The following SH3BGRL variants were observed in gnomAD, a reference collection of about 807,000 sequenced individuals.
SH3BGRL encodes the protein adapter SH3BGRL.
A neutral mutation model predicts 9.8 loss-of-function variants in SH3BGRL; 7 were observed. The ratio of observed to expected loss-of-function variants is 0.72; its 90% CI spans 0.41 to 1.35. SH3BGRL has a LOEUF of 1.35. Among genes scored for constraint, SH3BGRL ranks in the 40% most tolerant of loss-of-function variants. SH3BGRL has a pLI of 0.01. For missense variants in SH3BGRL, 73 were observed against 84.4 expected (o/e 0.86, Z 0.53); for synonymous variants, 36 against 29.1 (o/e 1.24, Z -0.76).
chrX:81,271,970 G>A (rs1040305625), intron 1 of SH3BGRL, among the ~76,000 whole-genome samples: 3 of 110,549 alleles, frequency 2.7e-5, no homozygotes, highest in Non-Finnish European at 3.8e-5. Context: ...TGAAGTGGGC[G>A]GATCATGAGG....
chrX:81,296,145 G>A (rs187761103), intron 3 of SH3BGRL, among the ~76,000 whole-genome samples: 31 of 111,223 alleles, frequency 2.8e-4, no homozygotes, highest in Admixed American at 1.1e-3. Context: ...AAGGAAGCAC[G>A]TCCTCGCCTG....
At chrX:81,220,934 C>T (rs1476752169) in intron 1 of SH3BGRL, among the ~76,000 whole-genome samples, 3 of 110,807 alleles carry the variant, frequency 2.7e-5, no homozygotes, top group Non-Finnish European at 5.7e-5. Flanking sequence ...CAAAATTCTT[C>T]TTGTTATTGG....
At chrX:81,215,285 G>T (rs2075578176) in intron 1 of SH3BGRL, among the ~76,000 whole-genome samples, 1 of 110,881 alleles carries the variant, frequency 9.0e-6, no homozygotes, top group Admixed American at 9.6e-5. Flanking sequence ...ACTTGGCAGA[G>T]ATGTTCAAGT....
chrX:81,202,134 C>T lies in SH3BGRL; in HGVS notation c.-67C>T. 9.2e-7 allele frequency: 1 copy of T among 1,089,304 alleles called. No individual in the cohort carries two copies. Among genetic ancestry groups the T allele is most frequent in the East Asian group, 3.1e-5 (1 of 32,739 alleles). The allele number at this position is 1,089,304 out of a possible 1,213,427, so 89.8% of individuals were successfully genotyped here. ...GCTGTTTCAGCCCCTAGCTGGATTC[C>T]AGCCATTGCTGCAGCTGCTCCACAG... On this transcript the variant is annotated 5_prime_UTR_variant, in exon 1 of 4. Transcript: ENST00000373212.
chrX:81,209,759 G>A (rs2075557940), intron 1 of SH3BGRL, among the ~76,000 whole-genome samples: 1 of 112,081 alleles, frequency 8.9e-6, no homozygotes, highest in Non-Finnish European at 1.9e-5. Context: ...GATGAGAGTT[G>A]GCACTGGTGG....
chrX:81,247,276 T>C (rs2075692541), intron 1 of SH3BGRL, among the ~76,000 whole-genome samples: 1 of 112,078 alleles, frequency 8.9e-6, no homozygotes, highest in Non-Finnish European at 1.9e-5. Context: ...TTTGACTTCT[T>C]TTCCTATTTG....
intron 1 of SH3BGRL, among the ~76,000 whole-genome samples, chrX:81,258,579 C>T (rs1184633751): frequency 1.8e-5 from 2 of 112,336 alleles, no homozygotes; most frequent in Non-Finnish European, 3.8e-5. Flanking sequence ...AATATCTTAA[C>T]CTGTCCTAAA....
At chrX:81,283,973 C>A (rs1213254678) in intron 3 of SH3BGRL, among the ~76,000 whole-genome samples, 1 of 111,049 alleles carries the variant, frequency 9.0e-6, no homozygotes, top group East Asian at 2.8e-4. Flanking sequence ...AGCAAAATTT[C>A]CAGATCCAAG....
At position 81,277,165 on chromosome X, in the gene SH3BGRL, G is replaced by A; in HGVS notation, c.227G>A (p.Arg76His). ...CAGATTTTCAATGAAAGCCAGTATC[G>A]CGGGGTAAGAAAACAATTTAAATTC... The part of the protein sequence containing the change: ...PPQIFNESQY[R>H]GDYDAFFEAR... The change falls in exon 2 of 4, where the codon CGC becomes CAC. Residue 76 changes from arginine to histidine, a missense_variant. By Grantham distance (29) the Arg-to-His change is conservative (BLOSUM62 0). Coordinates refer to ENST00000373212, the MANE Select transcript of SH3BGRL (RefSeq NM_003022.3). The A allele has an allele frequency of 1.7e-6, 2 of 1,203,218 alleles. No individual in the cohort carries two copies. Among genetic ancestry groups the A allele is most frequent in the Non-Finnish European group, 2.2e-6 (2 of 890,840 alleles).
chrX:81,251,026 T>G (rs1030820791), intron 1 of SH3BGRL, among the ~76,000 whole-genome samples: 1 of 112,201 alleles, frequency 8.9e-6, no homozygotes, highest in African/African-American at 3.2e-5. Context: ...CTGCTGATTT[T>G]TAATGAAGAC....
chrX:81,232,892 C>T (rs1157706821), intron 1 of SH3BGRL, among the ~76,000 whole-genome samples: 1 of 111,253 alleles, frequency 9.0e-6, no homozygotes, highest in African/African-American at 3.3e-5. Context: ...ATATTTTATT[C>T]TTTATATGTT....
intron 1 of SH3BGRL, among the ~76,000 whole-genome samples, chrX:81,271,132 TCTC>T (rs1432198401): frequency 1.8e-5 from 2 of 111,460 alleles, no homozygotes; most frequent in Admixed American, 9.5e-5. Flanking sequence ...GGAGTGTACT[TCTC>T]CTCCAGGTAC....
chrX:81,290,003 A>G (rs2075851703), intron 3 of SH3BGRL, among the ~76,000 whole-genome samples: 1 of 112,547 alleles, frequency 8.9e-6, no homozygotes, highest in African/African-American at 3.2e-5. Flanking sequence ...CATTAGAGAA[A>G]TGCAAATAAA....
intron 1 of SH3BGRL, among the ~76,000 whole-genome samples, chrX:81,203,875 C>T (rs1569355257): frequency 1.8e-5 from 2 of 109,848 alleles, no homozygotes; most frequent in Non-Finnish European, 3.8e-5. Flanking sequence ...CTTTATTGGA[C>T]TCCTTTTTTT....
intron 1 of SH3BGRL, among the ~76,000 whole-genome samples, chrX:81,212,559 G>A (rs1166708040): frequency 8.9e-6 from 1 of 111,909 alleles, no homozygotes; most frequent in Non-Finnish European, 1.9e-5. Context: ...TTTTTTATTA[G>A]ATCTTTAAGT....
chrX:81,218,650 T>G (rs1482310671), intron 1 of SH3BGRL, among the ~76,000 whole-genome samples: 1 of 105,747 alleles, frequency 9.5e-6, no homozygotes, highest in African/African-American at 3.4e-5. Flanking sequence ...TCTATATCTA[T>G]ATCTATATAT....
At chrX:81,255,390 G>T (rs2075722811) in intron 1 of SH3BGRL, 1 of 111,486 alleles carries the variant, frequency 9.0e-6, no homozygotes, top group Admixed American at 9.5e-5. Context: ...GTTAGACAAG[G>T]GTTTCATTGT....
chrX:81,271,063 G>A (rs1171994594), intron 1 of SH3BGRL, among the ~76,000 whole-genome samples: 2 of 112,422 alleles, frequency 1.8e-5, no homozygotes, highest in African/African-American at 6.5e-5. Context: ...CCAGGCATGG[G>A]AGGGGATCTC....
intron 1 of SH3BGRL, among the ~76,000 whole-genome samples, chrX:81,273,911 C>G (rs2075789236): frequency 2.7e-5 from 3 of 111,205 alleles, no homozygotes; most frequent in African/African-American, 9.8e-5. Flanking sequence ...TGCTCTGTGT[C>G]TTTGGAGAGA....
Sources: gnomAD v4.1 joint callset for allele counts (sites outside exome capture counted in the v4.1 genomes callset) on GRCh38, gnomAD v4.1.1 for gene constraint, MANE v1.5 for transcripts, NCBI Gene and HGNC (gene_info 2026-07-23, HGNC 2026-07-21) for gene names.